Variants in GPD2 observed in about 807,000 individuals in gnomAD.
GPD2 encodes the protein glycerol-3-phosphate dehydrogenase, mitochondrial.
GPD2 carries 54 observed loss-of-function variants against 82.4 expected under a neutral mutation model. That is an observed-to-expected ratio of 0.66 (90% CI 0.53 to 0.82). The LOEUF (loss-of-function observed/expected upper bound fraction) is 0.82. Among genes scored for constraint, GPD2 ranks in the 40% least tolerant of loss-of-function variants. The pLI, the probability that GPD2 is intolerant of heterozygous loss-of-function variation, is 0.00. For missense variants in GPD2, 748 were observed against 896.2 expected (o/e 0.83, Z 2.11); for synonymous variants, 288 against 306.1 (o/e 0.94, Z 0.62).
intron 1 of GPD2, among the ~76,000 whole-genome samples, chr2:156,449,876 A>G (rs1682494098): frequency 2.0e-5 from 3 of 150,184 alleles, no homozygotes; most frequent in South Asian, 2.1e-4. Context: ...AAAGCCGGGC[A>G]TGGTGGCACA....
Position 156,549,642 on chromosome 2 carries a change from T to C in GPD2, c.696T>C (p.Ile232=), listed in dbSNP as rs1475295005. 6.2e-7 allele frequency: 1 copy of C among 1,614,094 alleles called. No homozygotes were observed. Among genetic ancestry groups the C allele is most frequent in the African/African-American group, 1.3e-5 (1 of 75,052 alleles). The change falls in exon 7 of 17, where the codon ATT becomes ATC. Residue 232 remains isoleucine, a synonymous_variant. Transcript: ENST00000438166. ...QHNDARMNLA[I]ALTAARYGAA... ...ACGATGCACGGATGAACCTTGCCAT[T>C]GCTCTGACTGCTGCCAGGTATGGGG...
At chr2:156,473,289 T>C (rs1683394718) in intron 1 of GPD2, among the ~76,000 whole-genome samples, 1 of 152,214 alleles carries the variant, frequency 6.6e-6, no homozygotes, top group Non-Finnish European at 1.5e-5. Context: ...ATAGTATTAG[T>C]GGCTCATTGG....
At chr2:156,506,936 T>C (rs1684805158) in intron 3 of GPD2, among the ~76,000 whole-genome samples, 1 of 152,240 alleles carries the variant, frequency 6.6e-6, no homozygotes, top group Non-Finnish European at 1.5e-5. Flanking sequence ...AAGCACACCC[T>C]GGTTCCCCAG....
intron 6 of GPD2, among the ~76,000 whole-genome samples, chr2:156,528,843 G>A (rs1457351801): frequency 6.6e-6 from 1 of 152,028 alleles, no homozygotes; most frequent in African/African-American, 2.4e-5. Context: ...TATCATTGTT[G>A]GACATTTGGG....
intron 1 of GPD2, among the ~76,000 whole-genome samples, chr2:156,468,541 A>G (rs1390342791): frequency 4.7e-5 from 7 of 149,634 alleles, no homozygotes; most frequent in Non-Finnish European, 7.4e-5. Flanking sequence ...TTTGGACCAC[A>G]AAAGGCTTAG....
chr2:156,513,523 T>C (rs1417546227), intron 6 of GPD2, 27 bp downstream of exon 6: 1 of 1,495,354 alleles, frequency 6.7e-7, no homozygotes, highest in East Asian at 2.3e-5. Context: ...TTTTTTTTCC[T>C]CACAAGATAC....
intron 1 of GPD2, among the ~76,000 whole-genome samples, chr2:156,445,561 AGTT>A (rs1682341977): frequency 6.6e-6 from 1 of 152,222 alleles, no homozygotes; most frequent in African/African-American, 2.4e-5. Flanking sequence ...GAATCCACGA[AGTT>A]GTTAAAATTT....
At chr2:156,463,131 T>G (rs1211238487) in intron 1 of GPD2, among the ~76,000 whole-genome samples, 1 of 152,232 alleles carries the variant, frequency 6.6e-6, no homozygotes, top group East Asian at 1.9e-4. Flanking sequence ...TTGTCACTCC[T>G]ATTATTCCTG....
chr2:156,424,421 A>G, the GPD2 span, among the ~76,000 whole-genome samples: 1 of 152,348 alleles, frequency 6.6e-6, no homozygotes, highest in South Asian at 2.1e-4. Context: ...TTGTTAAATC[A>G]TCTGATACTC....
intron 6 of GPD2, among the ~76,000 whole-genome samples, chr2:156,522,701 A>G (rs1401682455): frequency 7.0e-6 from 1 of 143,866 alleles, no homozygotes; most frequent in Non-Finnish European, 1.5e-5. Context: ...TTTTTTTTGC[A>G]GAAATTATCT....
At chr2:156,468,629 C>T (rs1308646545) in intron 1 of GPD2, among the ~76,000 whole-genome samples, 1 of 152,182 alleles carries the variant, frequency 6.6e-6, no homozygotes, top group African/African-American at 2.4e-5. Context: ...ATGCCTTGTA[C>T]ATCTGGATTT....
At chr2:156,491,856 C>A (rs1262803408) in intron 2 of GPD2, among the ~76,000 whole-genome samples, 1 of 151,840 alleles carries the variant, frequency 6.6e-6, no homozygotes, top group African/African-American at 2.4e-5. Context: ...CCTGTCACTA[C>A]TAAAACTATA....
chr2:156,478,961 G>A (rs979754937), intron 2 of GPD2, among the ~76,000 whole-genome samples: 6 of 152,174 alleles, frequency 3.9e-5, no homozygotes, highest in Non-Finnish European at 8.8e-5. Flanking sequence ...ATTTTGCTGT[G>A]TTCTTGCATG....
chr2:156,401,442 TGAA>T, the GPD2 span, among the ~76,000 whole-genome samples: 1 of 152,238 alleles, frequency 6.6e-6, no homozygotes, highest in Admixed American at 6.5e-5. Context: ...AGGAGGCAAA[TGAA>T]GATTTTGTCA....
At chr2:156,516,700 C>G (rs1194120883) in intron 6 of GPD2, among the ~76,000 whole-genome samples, 1 of 152,252 alleles carries the variant, frequency 6.6e-6, no homozygotes, top group Admixed American at 6.5e-5. Context: ...CCTCCCTGGA[C>G]TTCCAAAGTG....
At chr2:156,523,670 CTAGA>C (rs3086039) in intron 6 of GPD2, among the ~76,000 whole-genome samples, 14,967 of 146,586 alleles carry the variant, frequency 0.1, 779 homozygotes, top group South Asian at 0.16. Context: ...AATTTCTTTT[CTAGA>C]TAGATAGATA....
rs569118406 is a variant in GPD2, at chr2:156,480,427, C to T, written c.102+4220C>T. On this transcript the variant is annotated intron_variant, in intron 2 of 16. Coordinates refer to ENST00000438166, the MANE Select transcript of GPD2 (RefSeq NM_000408.5). ...TTCTTTTCATTATAGCCCAACGGCA[C>T]TGTTTAACACTTTTTTTTTTAAGTT... Among the ~76,000 whole-genome samples the T allele has an allele frequency of 6.7e-5, 9 of 134,102 alleles. 1 individual carries two copies. Among genetic ancestry groups the T allele is most frequent in the African/African-American group, 1.1e-4 (4 of 35,278 alleles). The allele number at this position is 134,102 out of a possible 152,430, so 88.0% of individuals were successfully genotyped here. A position where few individuals can be genotyped will look rare whatever the true frequency, so the allele number is the denominator to read the frequency against.
intron 6 of GPD2, among the ~76,000 whole-genome samples, chr2:156,530,937 C>G (rs569412573): frequency 6.6e-6 from 1 of 152,250 alleles, no homozygotes; most frequent in African/African-American, 2.4e-5. Context: ...AGTGATTCTC[C>G]CACCTCAGTC....
At chr2:156,465,723 G>A (rs1157938417) in intron 1 of GPD2, among the ~76,000 whole-genome samples, 5 of 152,042 alleles carry the variant, frequency 3.3e-5, no homozygotes, top group South Asian at 2.1e-4. Context: ...TAAAAAGAGC[G>A]TTTATGCTGC....
Sources: allele counts gnomAD v4.1 joint callset (sites outside exome capture counted in the v4.1 genomes callset), GRCh38; gene constraint gnomAD v4.1.1; transcripts MANE v1.5; gene names NCBI Gene and HGNC (gene_info 2026-07-23, HGNC 2026-07-21).